The following PCBP4 variants were observed in gnomAD, a reference collection of about 807,000 sequenced individuals.
The protein encoded by PCBP4 is poly(rC) binding protein 4, also known as poly(rC)-binding protein 4.
PCBP4 carries 24 observed loss-of-function variants against 46.2 expected under a neutral mutation model. The ratio of observed to expected loss-of-function variants is 0.52; its 90% confidence interval spans 0.38 to 0.73. The LOEUF is 0.73. PCBP4 is among the 30% of genes least tolerant of loss of function. The probability of loss-of-function intolerance (pLI) is 0.00; values close to 1 mark genes in which losing one functional copy is unlikely to be tolerated. For synonymous variants in PCBP4, 203 were observed against 224.4 expected (o/e 0.90, Z 0.85); for missense variants, 407 against 537.0 (o/e 0.76, Z 2.39).
chr3:51,965,128 T>C (rs1700360581), intron 1 of PCBP4, among the ~76,000 whole-genome samples: 1 of 152,168 alleles, frequency 6.6e-6, no homozygotes, highest in African/African-American at 2.4e-5. Flanking sequence ...TCATCTACAT[T>C]GAGAAAGGCC....
Position 51,963,476 on chromosome 3 carries a change from C to T in PCBP4, c.-212-1388G>A, listed in dbSNP as rs1046818198. 4.6e-5 allele frequency among the ~76,000 whole-genome samples: 7 copies of T among 152,318 alleles called. 2 individuals carry two copies. The highest frequency in any genetic ancestry group is 3.3e-4 in the Admixed American group (5 of 15,300). Reference sequence around the variant, plus strand: ...AGGACTGACAACTTGTCCAGAGCCTCGGTCTTAAGTTCCAAAATTTTCTGG... The same window carrying T: ...AGGACTGACAACTTGTCCAGAGCCTTGGTCTTAAGTTCCAAAATTTTCTGG... On this transcript the variant is annotated intron_variant, in intron 1 of 13. Transcript: ENST00000461554.
chr3:51,965,193 C>A (rs1426511425), intron 1 of PCBP4, among the ~76,000 whole-genome samples: 1 of 152,260 alleles, frequency 6.6e-6, no homozygotes, highest in Admixed American at 6.5e-5. Context: ...TGCTCAACAG[C>A]CACCCATGGC....
rs148711767 is a variant in PCBP4 at position 51,958,797 on chromosome 3, T to C, written c.916A>G (p.Thr306Ala). ...CGCCCAGCCCGCGCTCACCAGGCAG[T>C]GATGAGGTACTGGGCCAGGGCGATG... Reference protein sequence around the residue: ...VSIALAQYLITACLETAKSTS... With the variant: ...VSIALAQYLIAACLETAKSTS... Residue 306 changes from threonine (T) to alanine (A), a missense_variant, in exon 13 of 14, where the codon ACT becomes GCT. Coordinates refer to ENST00000461554, the MANE Select transcript of PCBP4 (RefSeq NM_001174100.2). The surrounding 1 kb of genome is among the most constrained non-coding windows in gnomAD (Gnocchi z 5.4). The C allele has an allele frequency of 2.6e-5, 42 of 1,612,458 alleles. No homozygotes were observed. In the African/African-American group the frequency reaches 5.5e-4, roughly 21 times the overall value.
rs1162753136 is a variant in PCBP4, at chr3:51,960,131, C to T, written c.387+58G>A. The T allele has an allele frequency of 2.2e-5, 35 of 1,614,048 alleles. No homozygotes were observed. Among genetic ancestry groups the T allele is most frequent in the Non-Finnish European group, 2.9e-5 (34 of 1,179,992 alleles). On this transcript the variant is annotated intron_variant, in intron 7 of 13. Transcript: ENST00000461554. The surrounding 1 kb of genome is among the most constrained non-coding windows in gnomAD (Gnocchi z 5.0). ...GGAGGACGCCATAAGCCCAACACCCCTCTTACAACTGCTCCCTTGCCCCGG... is the reference window on the plus strand; with the variant it reads ...GGAGGACGCCATAAGCCCAACACCCTTCTTACAACTGCTCCCTTGCCCCGG...
chr3:51,961,190 G>A lies in PCBP4; in HGVS notation c.51C>T (p.Thr17=), dbSNP rs1700157555. The part of the protein sequence containing the change: ...GLEEEPELSI[T]LTLRMLMHGK... The stretch of plus-strand genomic sequence containing the variant: ...CGTGCATCAGCATCCGCAGCGTGAG[G>A]GTGATGCTGAGCTCTGGCTCCTCCT... Residue 17 remains threonine, a synonymous_variant, in exon 3 of 14, where the codon ACC becomes ACT. Coordinates refer to ENST00000461554, the MANE Select transcript of PCBP4 (RefSeq NM_001174100.2). The A allele has an allele frequency of 1.2e-6, 2 of 1,613,408 alleles. No homozygotes were observed. The highest frequency in any genetic ancestry group is 1.3e-5 in the African/African-American group (1 of 74,926).
chr3:51,961,352 T>A, intron 2 of PCBP4, 48 bp from the exon 3 acceptor site: 1 of 1,482,052 alleles, frequency 6.7e-7, no homozygotes, highest in Non-Finnish European at 8.9e-7. Flanking sequence ...CAGTCCACCC[T>A]GCCCCTGCCC....
At position 51,958,787 on chromosome 3, in the gene PCBP4, C is replaced by T; in HGVS notation, c.923+3G>A. On this transcript the variant is annotated splice_donor_region_variant and intron_variant, in intron 13 of 13. Coordinates refer to ENST00000461554, the MANE Select transcript of PCBP4 (RefSeq NM_001174100.2). The surrounding 1 kb of genome is among the most constrained non-coding windows in gnomAD (Gnocchi z 5.4). ...CCCCCACTGCCGCCCAGCCCGCGCT[C>T]ACCAGGCAGTGATGAGGTACTGGGC... 3 of 1,610,844 alleles carry T rather than the reference C, an allele frequency of 1.9e-6. No individual in the cohort carries two copies. The highest frequency in any genetic ancestry group is 2.5e-6 in the Non-Finnish European group (3 of 1,178,022).
intron 1 of PCBP4, among the ~76,000 whole-genome samples, chr3:51,967,039 C>T (rs1424592010): frequency 1.3e-5 from 2 of 152,110 alleles, no homozygotes; most frequent in African/African-American, 4.8e-5. Flanking sequence ...GAACCCAGGG[C>T]AGGAGTCAGA....
Position 51,959,091 on chromosome 3 carries a change from G to A in PCBP4, c.709C>T (p.Pro237Ser). ...TCCTGTGAGCTGGTCTGTGTGCCGG[G>A]ATCCAGTCCTGAGGGGGAGAAGAGG... ...ATPSVVPGLD[P>S]GTQTSSQEFL... Residue 237 changes from proline (P) to serine (S), a missense_variant, in exon 12 of 14, where the codon CCC becomes TCC. Physicochemically the swap from Pro to Ser is moderately conservative, Grantham distance 74. Transcript: ENST00000461554. The surrounding 1 kb of genome is among the most constrained non-coding windows in gnomAD (Gnocchi z 5.6). 2 of 1,613,926 alleles carry A rather than the reference G, an allele frequency of 1.2e-6. No homozygotes were observed. Among genetic ancestry groups the A allele is most frequent in the Non-Finnish European group, 1.7e-6 (2 of 1,179,948 alleles).
chr3:51,959,385 C>A lies in PCBP4; in HGVS notation c.618G>T (p.Gly206=). The A allele has an allele frequency of 6.2e-7, 1 of 1,611,570 alleles. No individual in the cohort carries two copies. The part of the protein sequence containing the change: ...NQGFSVQGQY[G]AVTPAEVTKL... Reference sequence around the variant, plus strand: ...CACTCACCTCAGCTGGGGTCACAGCCCCATACTGACCCTGGACAGAGAAGC... The same window carrying A: ...CACTCACCTCAGCTGGGGTCACAGCACCATACTGACCCTGGACAGAGAAGC... Residue 206 remains glycine, a synonymous_variant, in exon 10 of 14, where the codon GGG becomes GGT. Transcript: ENST00000461554. This position sits in a 1 kb window ranked among gnomAD's most constrained non-coding sequence, Gnocchi z 5.6.
Position 51,965,422 on chromosome 3 carries a change from C to T in PCBP4, c.-213+1904G>A, listed in dbSNP as rs323876. Among the ~76,000 whole-genome samples, 1,006 of 152,362 alleles carry T rather than the reference C, an allele frequency of 6.6e-3. 15 individuals are homozygous for T. Among genetic ancestry groups the T allele is most frequent in the African/African-American group, 0.023 (947 of 41,588 alleles). Reference sequence around the variant, plus strand: ...ACTCTCTGTCAAAATCCTTCTCAAACGCCACCTCCTCTGTGAAGCCCTCCG... The same window carrying T: ...ACTCTCTGTCAAAATCCTTCTCAAATGCCACCTCCTCTGTGAAGCCCTCCG... On this transcript the variant is annotated intron_variant, in intron 1 of 13. Coordinates refer to ENST00000461554, the MANE Select transcript of PCBP4 (RefSeq NM_001174100.2).
rs1267524992 is a variant in PCBP4, at chr3:51,967,381, A to C, written c.-268T>G. ...CGGCGGCACGGCGGCTGGGCCGCTC[A>C]GTCCCACATTGTCCCCGGGAGAGGC... On this transcript the variant is annotated 5_prime_UTR_variant, in exon 1 of 14. An upstream open reading frame in the 5' UTR loses its in-frame stop. Coordinates refer to ENST00000461554, the MANE Select transcript of PCBP4 (RefSeq NM_001174100.2). 6.6e-6 allele frequency: 1 copy of C among 150,768 alleles called. No homozygotes were observed. The highest frequency in any genetic ancestry group is 2.5e-5 in the African/African-American group (1 of 40,584). 9.3% of individuals were successfully genotyped at this position (150,768 alleles called of 1,614,324 possible). A position where few individuals can be genotyped will look rare whatever the true frequency, so the allele number is the denominator to read the frequency against.
chr3:51,960,125 A>G lies in PCBP4; in HGVS notation c.387+64T>C. ...AGGTGGGGAGGACGCCATAAGCCCA[A>G]CACCCCTCTTACAACTGCTCCCTTG... On this transcript the variant is annotated intron_variant, in intron 7 of 13. Transcript: ENST00000461554. The surrounding 1 kb of genome is among the most constrained non-coding windows in gnomAD (Gnocchi z 5.0). 6.2e-7 allele frequency: 1 copy of G among 1,614,044 alleles called. No homozygotes were observed. The highest frequency in any genetic ancestry group is 8.5e-7 in the Non-Finnish European group (1 of 1,179,944).
At chr3:51,962,895 G>A (rs372323167) in intron 1 of PCBP4, 1 of 152,284 alleles carries the variant, frequency 6.6e-6, no homozygotes, top group African/African-American at 2.4e-5. Context: ...TCCAGAGGCT[G>A]GAGATGAGCA....
Position 51,960,588 on chromosome 3 carries a change from T to C in PCBP4, c.193A>G (p.Ile65Val). 6.2e-7 allele frequency: 1 copy of C among 1,614,184 alleles called. No individual in the cohort carries two copies. Among genetic ancestry groups the C allele is most frequent in the Non-Finnish European group, 8.5e-7 (1 of 1,180,010 alleles). Residue 65 changes from isoleucine (I) to valine (V), a missense_variant, in exon 6 of 14, where the codon ATC (isoleucine) becomes GTC (valine). Physicochemically the swap from Ile to Val is conservative, Grantham distance 29. Transcript: ENST00000461554. This position sits in a 1 kb window ranked among gnomAD's most constrained non-coding sequence, Gnocchi z 5.0. Reference protein sequence around the residue: ...EGSCPERITTITGSTAAVFHA... With the variant: ...EGSCPERITTVTGSTAAVFHA... The stretch of plus-strand genomic sequence containing the variant: ...AAGACAGCTGCTGTAGACCCGGTGA[T>C]GGTGGTGATGCGTTCAGGGCAGGAG...
rs777203514 is a variant in PCBP4, at chr3:51,958,143, G to A, written c.1130C>T (p.Pro377Leu). Residue 377 changes from proline (P) to leucine (L), a missense_variant, in exon 14 of 14, where the codon CCG becomes CTG. Pro to Leu is a moderately conservative substitution (Grantham distance 98, BLOSUM62 -3). Coordinates refer to ENST00000461554, the MANE Select transcript of PCBP4 (RefSeq NM_001174100.2). This position sits in a 1 kb window ranked among gnomAD's most constrained non-coding sequence, Gnocchi z 5.4. ...ALPPASPGPP[P>L]GLAAYTAKMA... ...CTTGGCAGTGTAGGCCGCCAAGCCC[G>A]GCGGCGGCCCTGGGGAAGCAGGTGG... 26 of 1,612,034 alleles carry A rather than the reference G, an allele frequency of 1.6e-5. No homozygotes were observed. Among genetic ancestry groups the A allele is most frequent in the African/African-American group, 9.4e-5 (7 of 74,804 alleles).
chr3:51,959,854 G>A lies in PCBP4; in HGVS notation c.516+41C>T. On this transcript the variant is annotated intron_variant, in intron 8 of 13. Transcript: ENST00000461554. The surrounding 1 kb of genome is among the most constrained non-coding windows in gnomAD (Gnocchi z 5.6). ...GGGTCCCCGACAAGGCAGACCCAGG[G>A]CCCATCTCCTGCCCCCTCTCTCCCT... 6.4e-7 allele frequency: 1 copy of A among 1,559,216 alleles called. No homozygotes were observed. Among genetic ancestry groups the A allele is most frequent in the Non-Finnish European group, 8.7e-7 (1 of 1,153,238 alleles).
intron 1 of PCBP4, among the ~76,000 whole-genome samples, chr3:51,964,890 G>C (rs1700349057): frequency 6.6e-6 from 1 of 152,234 alleles, no homozygotes; most frequent in Admixed American, 6.5e-5. Flanking sequence ...GGGTCCACAA[G>C]TTCCAGCCTC....
chr3:51,959,865 GC>G lies in PCBP4; in HGVS notation c.516+29del. The G allele has an allele frequency of 6.4e-7, 1 of 1,563,132 alleles. No individual in the cohort carries two copies. The highest frequency in any genetic ancestry group is 8.7e-7 in the Non-Finnish European group (1 of 1,154,840). On this transcript the variant is annotated intron_variant, in intron 8 of 13. Transcript: ENST00000461554. The surrounding 1 kb of genome is among the most constrained non-coding windows in gnomAD (Gnocchi z 5.6). The stretch of plus-strand genomic sequence containing the variant: ...AAGGCAGACCCAGGGCCCATCTCCT[GC>G]CCCCTCTCTCCCTGCCCCAGGGCAG...
Sources: allele counts gnomAD v4.1 joint callset (sites outside exome capture counted in the v4.1 genomes callset), GRCh38; gene constraint gnomAD v4.1.1; non-coding constraint Gnocchi (gnomAD v3.1); transcripts MANE v1.5; gene names NCBI Gene and HGNC (gene_info 2026-07-23, HGNC 2026-07-21).